The following RBFOX1 variants were observed in gnomAD, a reference collection of about 807,000 sequenced individuals.
RBFOX1 encodes the protein RNA binding protein fox-1 homolog 1.
RBFOX1 carries 8 observed loss-of-function variants against 57.7 expected under a neutral mutation model. The ratio of observed to expected loss-of-function variants is 0.14; its 90% CI spans 0.08 to 0.25. The LOEUF is 0.25. RBFOX1 is among the 10% of genes least tolerant of loss of function. The pLI is 1.00. For synonymous variants in RBFOX1, 326 were observed against 222.4 expected, an observed-to-expected ratio of 1.47 and a Z score of -4.15; for missense variants, 611 against 548.5, an observed-to-expected ratio of 1.11 and a Z score of -1.14.
At chr16:6,686,864 G>C (rs1365914708) in intron 3 of RBFOX1, among the ~76,000 whole-genome samples, 1 of 152,102 alleles carries the variant, frequency 6.6e-6, no homozygotes, top group African/African-American at 2.4e-5. Context: ...GTTGTATTTT[G>C]AGTGCTTAAG....
At chr16:6,926,688 T>G (rs1479332332) in intron 3 of RBFOX1, among the ~76,000 whole-genome samples, 2 of 152,148 alleles carry the variant, frequency 1.3e-5, no homozygotes. Context: ...AAGGTAAAAA[T>G]GCTACTTAGC....
At chr16:5,962,818 G>GTT (rs55961605) in intron 4 of RBFOX1, among the ~76,000 whole-genome samples, 4 of 135,374 alleles carry the variant, frequency 3.0e-5, no homozygotes, top group Non-Finnish European at 3.2e-5. Context: ...TGAGGGTTTG[G>GTT]TTTTTTTTTT....
At chr16:6,787,524 A>G (rs1384722570) in intron 3 of RBFOX1, among the ~76,000 whole-genome samples, 1 of 152,142 alleles carries the variant, frequency 6.6e-6, no homozygotes, top group Admixed American at 6.6e-5. Context: ...GGGCAATAGA[A>G]ATTGGGTGTA....
intron 2 of RBFOX1, among the ~76,000 whole-genome samples, chr16:6,430,852 C>G (rs763800066): frequency 2.0e-5 from 3 of 151,038 alleles, no homozygotes; most frequent in South Asian, 2.1e-4. Flanking sequence ...TTACTGTGGT[C>G]AGGAACAGTA....
chr16:5,762,589 C>G (rs552416280), intron 3 of RBFOX1, among the ~76,000 whole-genome samples: 1 of 152,234 alleles, frequency 6.6e-6, no homozygotes, highest in South Asian at 2.1e-4. Context: ...AGGATGTGTT[C>G]GCAAACTTAG....
At chr16:7,071,464 A>G (rs950403989) in intron 4 of RBFOX1, among the ~76,000 whole-genome samples, 4 of 152,064 alleles carry the variant, frequency 2.6e-5, no homozygotes, top group African/African-American at 4.8e-5. Context: ...TATGTATTAC[A>G]TACATATTAT....
chr16:6,885,985 A>G (rs1401583061), intron 3 of RBFOX1, among the ~76,000 whole-genome samples: 1 of 152,152 alleles, frequency 6.6e-6, no homozygotes, highest in African/African-American at 2.4e-5. Context: ...AACCACATGG[A>G]CTTGAGAAAA....
chr16:5,516,841 G>A (rs547731925), intron 2 of RBFOX1, among the ~76,000 whole-genome samples: 8 of 152,192 alleles, frequency 5.3e-5, no homozygotes, highest in South Asian at 2.1e-4. Context: ...ATGAAGAGGC[G>A]CCTTCTGCCA....
intron 3 of RBFOX1, among the ~76,000 whole-genome samples, chr16:6,920,459 A>G (rs553208850): frequency 1.3e-5 from 2 of 152,188 alleles, no homozygotes; most frequent in Non-Finnish European, 2.9e-5. Context: ...AAAAAGTTAG[A>G]TGTGTCCTAG....
chr16:5,489,670 A>G (rs1567155130), intron 2 of RBFOX1, among the ~76,000 whole-genome samples: 1 of 152,198 alleles, frequency 6.6e-6, no homozygotes, highest in Non-Finnish European at 1.5e-5. Flanking sequence ...AGCCACCCAG[A>G]GGAAGGGGTG....
chr16:7,634,634 GAGAA>G (rs1488718815), intron 11 of RBFOX1, among the ~76,000 whole-genome samples: 4 of 152,130 alleles, frequency 2.6e-5, no homozygotes, highest in Admixed American at 2.6e-4. Flanking sequence ...AAAGTATTAA[GAGAA>G]AGATTTTCAC....
At chr16:5,916,001 T>C (rs1288723291) in intron 4 of RBFOX1, among the ~76,000 whole-genome samples, 1 of 152,222 alleles carries the variant, frequency 6.6e-6, no homozygotes, top group Non-Finnish European at 1.5e-5. Context: ...AGCAGTCTTA[T>C]TTCTCCAGCC....
At chr16:7,521,592 T>C (rs1399683103) in intron 5 of RBFOX1, among the ~76,000 whole-genome samples, 1 of 152,218 alleles carries the variant, frequency 6.6e-6, no homozygotes, top group Non-Finnish European at 1.5e-5. Flanking sequence ...GATAATCTGA[T>C]GTGCAGACAA....
rs535376504 is a variant in RBFOX1 at position 5,773,886 on chromosome 16, T to G, written c.319-93417T>G. Among the ~76,000 whole-genome samples, 24 of 152,136 alleles carry G rather than the reference T, an allele frequency of 1.6e-4. No individual in the cohort carries two copies. In the East Asian group the frequency reaches 4.1e-3, roughly 26 times the overall value. On this transcript the variant is annotated intron_variant, in intron 3 of 19. Transcript: ENST00000641259. The stretch of plus-strand genomic sequence containing the variant: ...CTAATTTTTGTATTTTTAGGAGAGA[T>G]GGGGTTTCACCATGTTAGGTTGGTC...
At chr16:7,547,840 G>C (rs1033529719) in intron 5 of RBFOX1, among the ~76,000 whole-genome samples, 1 of 152,216 alleles carries the variant, frequency 6.6e-6, no homozygotes, top group Admixed American at 6.5e-5. Context: ...TGGAGGTTGT[G>C]TGTATTTAAC....
intron 4 of RBFOX1, among the ~76,000 whole-genome samples, chr16:7,280,679 G>A (rs12925403): frequency 0.12 from 18,871 of 152,144 alleles, 1,501 homozygotes; most frequent in Middle Eastern, 0.21. Context: ...TTTCTCAAGA[G>A]GGGCCCTGCT....
chr16:7,658,405 G>C (rs1343612017), intron 12 of RBFOX1, among the ~76,000 whole-genome samples: 1 of 152,104 alleles, frequency 6.6e-6, no homozygotes, highest in South Asian at 2.1e-4. Context: ...GAGCAGAGTA[G>C]AGTTTTCCTT....
At chr16:6,782,105 C>T (rs2081121272) in intron 3 of RBFOX1, among the ~76,000 whole-genome samples, 1 of 152,070 alleles carries the variant, frequency 6.6e-6, no homozygotes, top group Admixed American at 6.6e-5. Context: ...CTCCTGGGTT[C>T]ACGTGATTCT....
chr16:5,931,583 G>A (rs1422036343), intron 4 of RBFOX1, among the ~76,000 whole-genome samples: 1 of 152,168 alleles, frequency 6.6e-6, no homozygotes, highest in East Asian at 1.9e-4. Flanking sequence ...GAGCAGCTGG[G>A]TCTGAAAAGA....
Sources: allele counts gnomAD v4.1 joint callset (sites outside exome capture counted in the v4.1 genomes callset), GRCh38; gene constraint gnomAD v4.1.1; transcripts MANE v1.5; gene names NCBI Gene and HGNC (gene_info 2026-07-23, HGNC 2026-07-21).